OLFM3: variants seen among roughly 807,000 people sequenced by gnomAD.
OLFM3 encodes the protein noelin-3.
OLFM3 carries 20 observed loss-of-function variants against 48.6 expected under a neutral mutation model. The ratio of observed to expected loss-of-function variants is 0.41; its 90% CI spans 0.29 to 0.60. The LOEUF (loss-of-function observed/expected upper bound fraction) is 0.60. Among genes scored for constraint, OLFM3 ranks in the 20% least tolerant of loss-of-function variants. OLFM3 has a pLI of 0.28. For missense variants in OLFM3, 437 were observed against 544.3 expected, an observed-to-expected ratio of 0.80 and a Z score of 1.96; for synonymous variants, 222 against 198.1, an observed-to-expected ratio of 1.12 and a Z score of -1.01.
intron 1 of OLFM3, among the ~76,000 whole-genome samples, chr1:101,966,257 C>T (rs2101089869): frequency 6.6e-6 from 1 of 152,056 alleles, no homozygotes; most frequent in African/African-American, 2.4e-5. Context: ...TTTGGTCTCC[C>T]AGGCTCAAGG....
chr1:101,835,554 A>T (rs1570540946), intron 2 of OLFM3, among the ~76,000 whole-genome samples: 1 of 152,212 alleles, frequency 6.6e-6, no homozygotes, highest in Non-Finnish European at 1.5e-5. Context: ...ATCTCAGGTG[A>T]TCCACCTGCC....
intron 1 of OLFM3, among the ~76,000 whole-genome samples, chr1:101,991,041 A>ATACT (rs1301022157): frequency 3.1e-5 from 4 of 129,820 alleles, no homozygotes; most frequent in African/African-American, 1.1e-4. Flanking sequence ...ATATATATAT[A>ATACT]CTTCGTGGTT....
intron 1 of OLFM3, among the ~76,000 whole-genome samples, chr1:101,839,519 T>C (rs2100929225): frequency 6.6e-6 from 1 of 152,318 alleles, no homozygotes; most frequent in Middle Eastern, 3.4e-3. Context: ...ATCTAAAATA[T>C]GCCAGAAAAT....
intron 4 of OLFM3, among the ~76,000 whole-genome samples, chr1:101,809,376 T>C (rs1481928001): frequency 2.0e-5 from 3 of 151,884 alleles, no homozygotes; most frequent in Admixed American, 6.6e-5. Context: ...TAGACCAGAA[T>C]TGGGCTTCTC....
At chr1:101,982,894 CTCTG>C (rs1431499020) in intron 1 of OLFM3, among the ~76,000 whole-genome samples, 1 of 138,382 alleles carries the variant, frequency 7.2e-6, no homozygotes, top group Non-Finnish European at 1.5e-5. Context: ...CACTCTCTGT[CTCTG>C]TCTTTCTTTG....
At chr1:101,885,737 A>C (rs1021326737) in intron 1 of OLFM3, among the ~76,000 whole-genome samples, 1 of 152,172 alleles carries the variant, frequency 6.6e-6, no homozygotes, top group African/African-American at 2.4e-5. Context: ...CAAATACAGT[A>C]TATGATACAC....
chr1:101,927,503 G>C (rs952033818), intron 1 of OLFM3, among the ~76,000 whole-genome samples: 1 of 151,838 alleles, frequency 6.6e-6, no homozygotes, highest in South Asian at 2.1e-4. Flanking sequence ...TCAGGTTAAA[G>C]CTAGCAGCAC....
At chr1:101,956,072 C>T in intron 1 of OLFM3, among the ~76,000 whole-genome samples, 1 of 138,562 alleles carries the variant, frequency 7.2e-6, no homozygotes, top group South Asian at 2.2e-4. Context: ...TATCTCAATT[C>T]AACACAATAA....
At chr1:101,986,632 C>CAAAT (rs1661251459) in intron 1 of OLFM3, among the ~76,000 whole-genome samples, 1 of 152,126 alleles carries the variant, frequency 6.6e-6, no homozygotes, top group African/African-American at 2.4e-5. Flanking sequence ...TCATTATGTA[C>CAAAT]AAATAGACAA....
chr1:101,983,009 A>T (rs773045464), intron 1 of OLFM3, among the ~76,000 whole-genome samples: 86 of 152,248 alleles, frequency 5.6e-4, no homozygotes, highest in Admixed American at 1.4e-3. Context: ...TCGATCTTTC[A>T]CCTTGTTTGG....
intron 1 of OLFM3, among the ~76,000 whole-genome samples, chr1:101,939,213 C>G (rs1356438656): frequency 6.6e-6 from 1 of 152,184 alleles, no homozygotes; most frequent in Non-Finnish European, 1.5e-5. Context: ...TCCCCAGAAA[C>G]TAACGTCGCT....
At chr1:101,991,934 A>T (rs753862652) in intron 1 of OLFM3, among the ~76,000 whole-genome samples, 19 of 152,052 alleles carry the variant, frequency 1.2e-4, no homozygotes, top group Non-Finnish European at 2.6e-4. Context: ...AGTTTATGAT[A>T]TTACTAACTA....
In OLFM3 at chr1:101,873,890, T is replaced by C. The variant is rs186751307; in HGVS notation, c.70-36865A>G. Among the ~76,000 whole-genome samples the C allele has an allele frequency of 4.5e-3, 685 of 152,096 alleles. 4 individuals carry two copies. Among genetic ancestry groups the C allele is most frequent in the African/African-American group, 0.015 (630 of 41,574 alleles). Reference sequence around the variant, plus strand: ...ATTAAACACTAATAAATATTGACTTTTATTGTTATTCTCCAAAAATTTACA... The same window carrying C: ...ATTAAACACTAATAAATATTGACTTCTATTGTTATTCTCCAAAAATTTACA... On this transcript the variant is annotated intron_variant, in intron 1 of 5. Transcript: ENST00000370103.
intron 1 of OLFM3, among the ~76,000 whole-genome samples, chr1:101,943,186 G>A (rs762246146): frequency 6.6e-6 from 1 of 152,160 alleles, no homozygotes; most frequent in Non-Finnish European, 1.5e-5. Flanking sequence ...ATTTAGTAAG[G>A]CAGACTGTCT....
chr1:101,946,036 A>C (rs761517789), intron 1 of OLFM3, among the ~76,000 whole-genome samples: 30 of 152,212 alleles, frequency 2.0e-4, no homozygotes, highest in Non-Finnish European at 3.8e-4. Flanking sequence ...TACTGAGACT[A>C]TCATTTCAGA....
At chr1:101,912,550 A>C (rs962951557) in intron 1 of OLFM3, among the ~76,000 whole-genome samples, 2 of 152,224 alleles carry the variant, frequency 1.3e-5, no homozygotes, top group Admixed American at 6.5e-5. Context: ...GAAGAACATG[A>C]GGTTTGAACT....
chr1:101,950,913 A>C (rs909987675), intron 1 of OLFM3, among the ~76,000 whole-genome samples: 2 of 152,202 alleles, frequency 1.3e-5, no homozygotes, highest in African/African-American at 4.8e-5. Flanking sequence ...CACATCTGCC[A>C]CTTACTGCAA....
chr1:101,991,591 T>A (rs1433179229), intron 1 of OLFM3, among the ~76,000 whole-genome samples: 2 of 151,936 alleles, frequency 1.3e-5, no homozygotes, highest in Non-Finnish European at 2.9e-5. Flanking sequence ...ACCTTTCACA[T>A]CTCTTTAATA....
chr1:101,887,856 T>G (rs901287316), intron 1 of OLFM3, among the ~76,000 whole-genome samples: 1 of 152,010 alleles, frequency 6.6e-6, no homozygotes, highest in Admixed American at 6.6e-5. Context: ...TATGTGGATA[T>G]ATATCTCATG....
Sources: gnomAD v4.1 joint callset for allele counts (sites outside exome capture counted in the v4.1 genomes callset) on GRCh38, gnomAD v4.1.1 for gene constraint, MANE v1.5 for transcripts, NCBI Gene and HGNC (gene_info 2026-07-23, HGNC 2026-07-21) for gene names.